ATP2B2: variants seen among roughly 807,000 people sequenced by gnomAD.
The protein encoded by ATP2B2 is plasma membrane calcium-transporting ATPase 2.
ATP2B2 carries 15 observed loss-of-function variants against 120.0 expected under a neutral mutation model. That is an observed-to-expected ratio of 0.12 (90% CI 0.08 to 0.19). ATP2B2 has a LOEUF of 0.19. ATP2B2 is among the 10% of genes least tolerant of loss of function. ATP2B2 has a pLI of 1.00. For missense variants in ATP2B2, 1,045 were observed against 1,719.8 expected (o/e 0.61, Z 6.94); for synonymous variants, 694 against 700.3 (o/e 0.99, Z 0.14).
At chr3:10,489,093 A>C (rs997228776) in intron 1 of ATP2B2, among the ~76,000 whole-genome samples, 1 of 152,126 alleles carries the variant, frequency 6.6e-6, no homozygotes, top group Non-Finnish European at 1.5e-5. Flanking sequence ...GGGCCTTTGC[A>C]CTGGCCATTC....
intron 2 of ATP2B2, among the ~76,000 whole-genome samples, chr3:10,422,700 A>G (rs2063024387): frequency 6.6e-6 from 1 of 152,238 alleles, no homozygotes. Flanking sequence ...TTGAATGTGC[A>G]TAGTGCAGCG....
At chr3:10,468,927 G>A (rs908435532) in intron 1 of ATP2B2, among the ~76,000 whole-genome samples, 1 of 152,262 alleles carries the variant, frequency 6.6e-6, no homozygotes, top group African/African-American at 2.4e-5. Context: ...TAGTTTTGTG[G>A]ATGATGAAGC....
At chr3:10,624,200 T>C (rs961122251) in intron 1 of ATP2B2, among the ~76,000 whole-genome samples, 2 of 152,186 alleles carry the variant, frequency 1.3e-5, no homozygotes, top group African/African-American at 2.4e-5. Flanking sequence ...CTAGCATTCC[T>C]TAGAATATAC....
intron 2 of ATP2B2, among the ~76,000 whole-genome samples, chr3:10,615,127 A>AT (rs2069349440): frequency 6.6e-6 from 1 of 152,132 alleles, no homozygotes; most frequent in Non-Finnish European, 1.5e-5. Context: ...GAAGCACCCT[A>AT]AACCACTATT....
chr3:10,367,779 C>T (rs528106777), intron 12 of ATP2B2, among the ~76,000 whole-genome samples: 11 of 152,230 alleles, frequency 7.2e-5, no homozygotes, highest in Non-Finnish European at 1.3e-4. Flanking sequence ...TCCTTATCTA[C>T]GCATTGGGGT....
At chr3:10,494,394 A>T (rs984999781) in intron 1 of ATP2B2, among the ~76,000 whole-genome samples, 2 of 152,190 alleles carry the variant, frequency 1.3e-5, no homozygotes, top group Non-Finnish European at 2.9e-5. Context: ...AGACTGAGGC[A>T]CAGGAAGTTA....
intron 2 of ATP2B2, among the ~76,000 whole-genome samples, chr3:10,445,445 C>T (rs2063805212): frequency 6.6e-6 from 1 of 152,158 alleles, no homozygotes; most frequent in Admixed American, 6.5e-5. Flanking sequence ...GGAACAGAAC[C>T]AACAGTGGAA....
chr3:10,333,561 T>G (rs892125757), intron 22 of ATP2B2, among the ~76,000 whole-genome samples: 22 of 152,082 alleles, frequency 1.4e-4, no homozygotes, highest in African/African-American at 5.3e-4. Context: ...GTTGTCCAAA[T>G]GTGTGTACTG....
At chr3:10,637,443 A>G (rs1179281744) in intron 1 of ATP2B2, among the ~76,000 whole-genome samples, 1 of 152,230 alleles carries the variant, frequency 6.6e-6, no homozygotes, top group Non-Finnish European at 1.5e-5. Flanking sequence ...TAAGACATAG[A>G]AGATATAACA....
At position 10,343,723 on chromosome 3, in the gene ATP2B2, A is replaced by G. The variant is rs1211120572; in HGVS notation, c.2704-758T>C. Reference sequence around the variant, plus strand: ...CAGAATGCCCTCCGCCCACGTCACCAGCACCTTCTGTGCCACGAGTTGCAG... The same window carrying G: ...CAGAATGCCCTCCGCCCACGTCACCGGCACCTTCTGTGCCACGAGTTGCAG... On this transcript the variant is annotated intron_variant, in intron 18 of 22. Transcript: ENST00000360273. This position sits in a 1 kb window ranked among gnomAD's most constrained non-coding sequence, Gnocchi z 4.2. Among the ~76,000 whole-genome samples, 3 of 151,990 alleles carry G rather than the reference A, an allele frequency of 2.0e-5. No individual in the cohort carries two copies. Among genetic ancestry groups the G allele is most frequent in the South Asian group, 2.1e-4 (1 of 4,814 alleles).
At chr3:10,388,889 T>C (rs1396461146) in intron 5 of ATP2B2, among the ~76,000 whole-genome samples, 3 of 152,262 alleles carry the variant, frequency 2.0e-5, no homozygotes, top group Non-Finnish European at 4.4e-5. Context: ...TAGATCTTGT[T>C]ATTCAGTGTT....
Position 10,599,846 on chromosome 3 carries a change from CA to C in ATP2B2, c.-415+20070del, listed in dbSNP as rs1368472516. On this transcript the variant is annotated intron_variant, in intron 2 of 21. Coordinates refer to the ATP2B2 transcript ENST00000646379. ...GCAGGCAAGAATTCAAATGGATAAA[CA>C]AGATCATTTTTGATGGAGGAGGAAC... 5.3e-5 allele frequency among the ~76,000 whole-genome samples: 8 copies of C among 152,002 alleles called. No homozygotes were observed. The East Asian group carries it at 1.5e-3, about 29-fold the overall frequency.
intron 3 of ATP2B2, among the ~76,000 whole-genome samples, chr3:10,403,154 G>A (rs2062285171): frequency 6.6e-6 from 1 of 152,172 alleles, no homozygotes; most frequent in African/African-American, 2.4e-5. Flanking sequence ...AGGGATCACT[G>A]AGACCACCTT....
intron 1 of ATP2B2, among the ~76,000 whole-genome samples, chr3:10,685,289 C>T (rs1034623853): frequency 2.0e-5 from 3 of 152,172 alleles, no homozygotes; most frequent in Non-Finnish European, 2.9e-5. Context: ...TAAGTGTGCT[C>T]GCTGGGACCA....
At position 10,413,662 on chromosome 3, in the gene ATP2B2, T is replaced by C. The variant is rs549619125; in HGVS notation, c.200-2847A>G. Among the ~76,000 whole-genome samples, 10 of 152,334 alleles carry C rather than the reference T, an allele frequency of 6.6e-5. No individual in the cohort carries two copies. In the East Asian group the frequency reaches 1.7e-3, roughly 27 times the overall value. On this transcript the variant is annotated intron_variant, in intron 2 of 22. Transcript: ENST00000360273. ...GCAGGCACGGCACACTGTAGCACGA[T>C]TCCAGGAACCGCAGGAAGCTTCCCT...
At chr3:10,616,765 A>T in intron 2 of ATP2B2, among the ~76,000 whole-genome samples, 1 of 152,172 alleles carries the variant, frequency 6.6e-6, no homozygotes, top group South Asian at 2.1e-4. Context: ...TAAACAGTGA[A>T]CATTCCACTA....
At chr3:10,584,042 G>C (rs1205753131) in intron 2 of ATP2B2, among the ~76,000 whole-genome samples, 1 of 152,220 alleles carries the variant, frequency 6.6e-6, no homozygotes, top group African/African-American at 2.4e-5. Context: ...AGACACAGCC[G>C]CTGCCCTCCT....
At chr3:10,587,266 C>T (rs1173688822) in intron 2 of ATP2B2, among the ~76,000 whole-genome samples, 2 of 151,670 alleles carry the variant, frequency 1.3e-5, no homozygotes. Flanking sequence ...GATCATACCC[C>T]TGCACTCCAG....
At chr3:10,652,725 G>GA (rs2070499134) in intron 1 of ATP2B2, among the ~76,000 whole-genome samples, 1 of 152,230 alleles carries the variant, frequency 6.6e-6, no homozygotes, top group Non-Finnish European at 1.5e-5. Flanking sequence ...ATCAGTGGAT[G>GA]AATGCAGAAA....
Sources: allele counts gnomAD v4.1 joint callset (sites outside exome capture counted in the v4.1 genomes callset), GRCh38; gene constraint gnomAD v4.1.1; non-coding constraint Gnocchi (gnomAD v3.1); transcripts MANE v1.5; gene names NCBI Gene and HGNC (gene_info 2026-07-23, HGNC 2026-07-21).